Variants in TBC1D9 observed in about 807,000 individuals in gnomAD.
The protein encoded by TBC1D9 is TBC1 domain family member 9, also known as TBC1 domain family member 9A.
In TBC1D9, 63 loss-of-function variants were observed where a neutral mutation model predicts 132.0. The ratio of observed to expected loss-of-function variants is 0.48; its 90% CI spans 0.39 to 0.59. The LOEUF (loss-of-function observed/expected upper bound fraction) is 0.59, where lower values mean the gene tolerates loss of function less well. Among genes scored for constraint, TBC1D9 ranks in the 20% least tolerant of loss-of-function variants. The pLI is 0.00. For missense variants in TBC1D9, 1,261 were observed against 1,592.7 expected, an observed-to-expected ratio of 0.79 and a Z score of 3.54; for synonymous variants, 610 against 609.9, an observed-to-expected ratio of 1.00 and a Z score of 0.00.
intron 13 of TBC1D9, among the ~76,000 whole-genome samples, chr4:140,654,947 C>T (rs1031316020): frequency 6.6e-6 from 1 of 151,756 alleles, no homozygotes; most frequent in Non-Finnish European, 1.5e-5. Context: ...TGGAAGAAAT[C>T]GAAGTAAATG....
chr4:140,638,889 C>T (rs577916905), intron 15 of TBC1D9, among the ~76,000 whole-genome samples, 197 bp downstream of exon 15: 1 of 152,108 alleles, frequency 6.6e-6, no homozygotes, highest in African/African-American at 2.4e-5. Flanking sequence ...ATATGGAGTG[C>T]AAGGTAACTA....
chr4:140,627,315 A>C lies in TBC1D9; in HGVS notation c.2899+126T>G, dbSNP rs757994456. ...AATCTCAAAAACTGGAAAGGAAAGT[A>C]ACCAATTAAGGCAACCATATTTACA... On this transcript the variant is annotated intron_variant, in intron 18 of 20. Transcript: ENST00000442267. The C allele has an allele frequency of 3.0e-4, 192 of 640,522 alleles. 1 individual carries two copies. Among genetic ancestry groups the C allele is most frequent in the Admixed American group, 5.7e-4 (21 of 36,626 alleles). The allele number at this position is 640,522 out of a possible 1,614,324, so 39.7% of individuals were successfully genotyped here. A position where few individuals can be genotyped will look rare whatever the true frequency, so the allele number is the denominator to read the frequency against.
chr4:140,621,422 T>A lies in TBC1D9; in HGVS notation c.*773A>T, dbSNP rs1736611751. The A allele has an allele frequency of 6.6e-6, 1 of 152,254 alleles. No homozygotes were observed. The highest frequency in any genetic ancestry group is 2.1e-4 in the South Asian group (1 of 4,838). 9.4% of individuals were successfully genotyped at this position (152,254 alleles called of 1,614,324 possible). A position where few individuals can be genotyped will look rare whatever the true frequency, so the allele number is the denominator to read the frequency against. ...CCTGTCATGAGCCCTCTGTCTTTGC[T>A]GCTACTTTCAGATTCTCTGTGACAA... On this transcript the variant is annotated 3_prime_UTR_variant, in exon 21 of 21. Coordinates refer to ENST00000442267, the MANE Select transcript of TBC1D9 (RefSeq NM_015130.3).
Position 140,622,148 on chromosome 4 carries a change from A to G in TBC1D9, c.*47T>C, listed in dbSNP as rs773000749. 4.7e-4 allele frequency: 710 copies of G among 1,508,750 alleles called. 2 individuals carry two copies. The highest frequency in any genetic ancestry group is 6.1e-4 in the Non-Finnish European group (687 of 1,128,076). 93.5% of individuals were successfully genotyped at this position (1,508,750 alleles called of 1,614,324 possible). ...AAACTCAACACAGAAGAACATAAAAAATCCCTCCCCTCCCTCTCCTCCCAC... is the reference window on the plus strand; with the variant it reads ...AAACTCAACACAGAAGAACATAAAAGATCCCTCCCCTCCCTCTCCTCCCAC... On this transcript the variant is annotated 3_prime_UTR_variant, in exon 21 of 21. Coordinates refer to ENST00000442267, the MANE Select transcript of TBC1D9 (RefSeq NM_015130.3).
chr4:140,729,818 C>CAAAAAAAA lies in TBC1D9; in HGVS notation c.130+26090_130+26097dup, dbSNP rs35283552. Among the ~76,000 whole-genome samples the CAAAAAAAA allele has an allele frequency of 1.5e-4, 8 of 51,912 alleles. 1 individual carries two copies. The highest frequency in any genetic ancestry group is 6.4e-4 in the African/African-American group (8 of 12,550). 34.1% of individuals were successfully genotyped at this position (51,912 alleles called of 152,430 possible). ...CTGGTGACAGAGCAAGATTCCATCT[C>CAAAAAAAA]AAAAAAAAAAAAAAAAAAAAAAAAA... On this transcript the variant is annotated intron_variant, in intron 1 of 20. Coordinates refer to ENST00000442267, the MANE Select transcript of TBC1D9 (RefSeq NM_015130.3).
chr4:140,680,189 C>T (rs1434775488), intron 3 of TBC1D9, among the ~76,000 whole-genome samples: 1 of 152,146 alleles, frequency 6.6e-6, no homozygotes, highest in Non-Finnish European at 1.5e-5. Flanking sequence ...CAAAAGTCAA[C>T]TTCTGCCTTT....
intron 1 of TBC1D9, among the ~76,000 whole-genome samples, chr4:140,703,977 GTGTT>G (rs1738111316): frequency 6.6e-6 from 1 of 152,172 alleles, no homozygotes; most frequent in Non-Finnish European, 1.5e-5. Flanking sequence ...TCATAATTGA[GTGTT>G]TGTAATACCT....
chr4:140,741,535 G>A (rs1738758208), intron 1 of TBC1D9, among the ~76,000 whole-genome samples: 1 of 152,056 alleles, frequency 6.6e-6, no homozygotes, highest in South Asian at 2.1e-4. Flanking sequence ...TGGGCAATGT[G>A]GTGAAACCCT....
intron 15 of TBC1D9, among the ~76,000 whole-genome samples, chr4:140,636,915 G>A (rs1736889855): frequency 6.6e-6 from 1 of 152,226 alleles, no homozygotes. Flanking sequence ...CAATACAGCT[G>A]AGGAACCTGT....
At chr4:140,703,251 A>G (rs1202876991) in intron 1 of TBC1D9, among the ~76,000 whole-genome samples, 1 of 152,174 alleles carries the variant, frequency 6.6e-6, no homozygotes, top group Non-Finnish European at 1.5e-5. Context: ...CTTTTCCTGA[A>G]GTTTTGCTGA....
At chr4:140,625,058 A>C (rs576326162) in intron 18 of TBC1D9, among the ~76,000 whole-genome samples, 1 of 152,296 alleles carries the variant, frequency 6.6e-6, no homozygotes, top group Admixed American at 6.5e-5. Context: ...ATCTCAAAAA[A>C]AAAAAAATTA....
chr4:140,643,378 C>G, intron 13 of TBC1D9: 1 of 1,273,124 alleles, frequency 7.9e-7, no homozygotes, highest in Non-Finnish European at 1.1e-6. Context: ...AGAGGCCTGG[C>G]CTGGGGCAGC....
At chr4:140,646,626 T>G (rs776126355) in intron 13 of TBC1D9, among the ~76,000 whole-genome samples, 33 of 152,318 alleles carry the variant, frequency 2.2e-4, no homozygotes, top group Non-Finnish European at 4.1e-4. Flanking sequence ...ACTATGCCTT[T>G]CTAGTACCTT....
At chr4:140,666,187 T>C (rs993255655) in intron 9 of TBC1D9, among the ~76,000 whole-genome samples, 3 of 152,276 alleles carry the variant, frequency 2.0e-5, no homozygotes, top group Middle Eastern at 6.8e-3. Flanking sequence ...GTATGCTATG[T>C]GAAAGAAGCC....
At chr4:140,689,452 TCCCCC>T (rs1737839933) in intron 2 of TBC1D9, among the ~76,000 whole-genome samples, 1 of 32,304 alleles carries the variant, frequency 3.1e-5, no homozygotes, top group African/African-American at 1.4e-4. Flanking sequence ...TTCCTTCCCT[TCCCCC>T]CTTCCCTTCC....
Position 140,686,353 on chromosome 4 carries a change from T to G in TBC1D9, c.351A>C (p.Gly117=). 6.4e-7 allele frequency: 1 copy of G among 1,565,768 alleles called. No individual in the cohort carries two copies. ...NENDITTFVR[G]KIQGIIAEYN... is the part of the protein sequence containing the mutation. The stretch of plus-strand genomic sequence containing the variant: ...TCTTTTATCCCACTACCTGTATTTT[T>G]CCTCTCACAAATGTGGTGATATCAT... The change falls in exon 3 of 21, where the codon GGA becomes GGC. Residue 117 remains glycine, a synonymous_variant. Coordinates refer to ENST00000442267, the MANE Select transcript of TBC1D9 (RefSeq NM_015130.3).
chr4:140,674,939 C>A (rs887643859), intron 6 of TBC1D9, among the ~76,000 whole-genome samples: 1 of 152,000 alleles, frequency 6.6e-6, no homozygotes, highest in Non-Finnish European at 1.5e-5. Flanking sequence ...GAACTCCTGG[C>A]CTCAAGCAGT....
intron 1 of TBC1D9, among the ~76,000 whole-genome samples, chr4:140,713,481 A>T (rs1488490150): frequency 6.6e-6 from 1 of 152,150 alleles, no homozygotes. Flanking sequence ...AGTGGACTGT[A>T]ATCCCAGGAC....
chr4:140,741,582 G>C (rs1738759088), intron 1 of TBC1D9, among the ~76,000 whole-genome samples: 1 of 152,184 alleles, frequency 6.6e-6, no homozygotes, highest in African/African-American at 2.4e-5. Context: ...GCTAGGTGTA[G>C]TGGCATGTGC....
Sources: gnomAD v4.1 joint callset for allele counts (sites outside exome capture counted in the v4.1 genomes callset) on GRCh38, gnomAD v4.1.1 for gene constraint, MANE v1.5 for transcripts, NCBI Gene and HGNC (gene_info 2026-07-23, HGNC 2026-07-21) for gene names.